Variants in ST6GALNAC1 observed in about 807,000 individuals in gnomAD.
ST6GALNAC1 encodes the protein alpha-N-acetylgalactosaminide alpha-2,6-sialyltransferase 1.
A neutral mutation model predicts 56.8 loss-of-function variants in ST6GALNAC1; 45 were observed. The observed-to-expected ratio is 0.79, with a 90% CI of 0.62 to 1.02. ST6GALNAC1 has a LOEUF of 1.02. Ranked by LOEUF, ST6GALNAC1 falls within the 50% of genes least tolerant of loss-of-function variation. The pLI is 0.00. For missense variants in ST6GALNAC1, 743 were observed against 754.8 expected, an observed-to-expected ratio of 0.98 and a Z score of 0.18; for synonymous variants, 295 against 297.8, an observed-to-expected ratio of 0.99 and a Z score of 0.10.
At position 76,627,271 on chromosome 17, in the gene ST6GALNAC1, C is replaced by T. The variant is rs189728500; in HGVS notation, c.1001-33G>A. ...AAGAGTGGGGGTGCTCCATTCAGAG[C>T]CCTGGGAGGGACAGGAGTCCGACCC... On this transcript the variant is annotated intron_variant, in intron 3 of 8. Coordinates refer to ENST00000156626, the MANE Select transcript of ST6GALNAC1 (RefSeq NM_018414.5). The surrounding 1 kb of genome is among the most constrained non-coding windows in gnomAD (Gnocchi z 4.4). 2.1e-5 allele frequency: 32 copies of T among 1,552,008 alleles called. No individual in the cohort carries two copies. The East Asian group carries it at 7.0e-4, about 34-fold the overall frequency.
chr17:76,627,217 C>T lies in ST6GALNAC1; in HGVS notation c.1022G>A (p.Arg341His), dbSNP rs538653227. 4.3e-5 allele frequency: 67 copies of T among 1,575,502 alleles called. 1 individual carries two copies. In the Admixed American group the frequency reaches 8.4e-4, roughly 20 times the overall value. ...NYSLVQKVVT[R>H]FPPVPQQQLL... is the part of the protein sequence containing the mutation. ...CTGCTGCTGGGGCACTGGAGGGAAG[C>T]GTGTCACGACCTTCTGCACCACTGG... The change falls in exon 4 of 9, where the codon CGC becomes CAC. Residue 341 changes from arginine to histidine, a missense_variant. Arg to His is a conservative substitution (Grantham distance 29, BLOSUM62 0). Coordinates refer to ENST00000156626, the MANE Select transcript of ST6GALNAC1 (RefSeq NM_018414.5). The surrounding 1 kb of genome is among the most constrained non-coding windows in gnomAD (Gnocchi z 4.4).
chr17:76,632,969 G>A (rs2075925550), intron 1 of ST6GALNAC1, among the ~76,000 whole-genome samples: 1 of 152,198 alleles, frequency 6.6e-6, no homozygotes, highest in Non-Finnish European at 1.5e-5. Flanking sequence ...ATTTTGGGAG[G>A]CCGAGGCGGG....
rs1436647277 is a variant in ST6GALNAC1, at chr17:76,624,907, T to C, written c.*423A>G. ...TAGAATCAGATAACTCCTAGAAAGG[T>C]CTTCTAGACAATCTGTAGTGAAGTT... On this transcript the variant is annotated 3_prime_UTR_variant, in exon 9 of 9. Transcript: ENST00000156626. The C allele has an allele frequency of 4.9e-6, 1 of 202,264 alleles. No homozygotes were observed. Among genetic ancestry groups the C allele is most frequent in the Non-Finnish European group, 1.0e-5 (1 of 98,812 alleles). 12.5% of individuals were successfully genotyped at this position (202,264 alleles called of 1,614,324 possible).
chr17:76,627,006 G>GA lies in ST6GALNAC1; in HGVS notation c.1172+60dup. On this transcript the variant is annotated intron_variant, in intron 4 of 8. Coordinates refer to ENST00000156626, the MANE Select transcript of ST6GALNAC1 (RefSeq NM_018414.5). This position sits in a 1 kb window ranked among gnomAD's most constrained non-coding sequence, Gnocchi z 4.4. The stretch of plus-strand genomic sequence containing the variant: ...CAGAAGAGGGGCAAGAGAGGGGCTG[G>GA]AGGGGGGCTGGAGGGGGCAGGAGAG... The GA allele has an allele frequency of 6.7e-7, 1 of 1,501,946 alleles. No individual in the cohort carries two copies. The highest frequency in any genetic ancestry group is 1.3e-5 in the South Asian group (1 of 75,608). 93.0% of individuals were successfully genotyped at this position (1,501,946 alleles called of 1,614,324 possible). A position where few individuals can be genotyped will look rare whatever the true frequency, so the allele number is the denominator to read the frequency against.
In ST6GALNAC1 at chr17:76,629,465, G is replaced by T; in HGVS notation, c.378C>A (p.Ser126Arg). 1 of 1,614,020 alleles carries T rather than the reference G, an allele frequency of 6.2e-7. No individual in the cohort carries two copies. Among genetic ancestry groups the T allele is most frequent in the Non-Finnish European group, 8.5e-7 (1 of 1,180,012 alleles). Residue 126 changes from serine to arginine, a missense_variant, in exon 2 of 9, where the codon AGC becomes AGA. Coordinates refer to ENST00000156626, the MANE Select transcript of ST6GALNAC1 (RefSeq NM_018414.5). Reference sequence around the variant, plus strand: ...TCACCATGGTTTTCTCTTTTTCTGGGCTCTTCCATGCTGCCCTCTGTGCTG... The same window carrying T: ...TCACCATGGTTTTCTCTTTTTCTGGTCTCTTCCATGCTGCCCTCTGTGCTG... ...PHTAQRAAWK[S>R]PEKEKTMVNT... is the part of the protein sequence containing the mutation.
chr17:76,625,977 G>A, intron 7 of ST6GALNAC1, 29 bp downstream of exon 7: 1 of 1,612,080 alleles, frequency 6.2e-7, no homozygotes, highest in Non-Finnish European at 8.5e-7. Flanking sequence ...AGGGACCTGG[G>A]CTACGTGTCA....
chr17:76,643,754 C>T lies in ST6GALNAC1; in HGVS notation c.-116G>A. ...AGGAAGTGCACACCCTTTGTCTTAA[C>T]AATGAGCCACTCCGGCAAGTGCTGA... is the stretch of plus-strand genomic sequence containing the variant. On this transcript the variant is annotated 5_prime_UTR_variant, in exon 1 of 9. Transcript: ENST00000156626. 4.0e-6 allele frequency: 4 copies of T among 1,003,330 alleles called. No individual in the cohort carries two copies. Among genetic ancestry groups the T allele is most frequent in the Non-Finnish European group, 5.9e-6 (4 of 682,544 alleles). 62.2% of individuals were successfully genotyped at this position (1,003,330 alleles called of 1,614,324 possible). A position where few individuals can be genotyped will look rare whatever the true frequency, so the allele number is the denominator to read the frequency against.
chr17:76,638,500 G>A (rs930872014), intron 1 of ST6GALNAC1, among the ~76,000 whole-genome samples: 5 of 151,770 alleles, frequency 3.3e-5, no homozygotes, highest in East Asian at 1.9e-4. Context: ...TGATAAAAGC[G>A]ATAATACTCA....
At chr17:76,642,006 GAT>G (rs893784117) in intron 1 of ST6GALNAC1, 1 of 5,952 alleles carries the variant, frequency 1.7e-4, no homozygotes, top group Non-Finnish European at 5.0e-4. Context: ...AAATCTATAT[GAT>G]ATATATGTGT....
At chr17:76,618,939 G>A in the ST6GALNAC1 span, among the ~76,000 whole-genome samples, 1 of 152,142 alleles carries the variant, frequency 6.6e-6, no homozygotes, top group Non-Finnish European at 1.5e-5. Context: ...GTGAGACCCT[G>A]CCTCAAAAGA....
At chr17:76,622,825 G>T (rs1004575627), downstream of ST6GALNAC1, among the ~76,000 whole-genome samples, 6 of 140,932 alleles carry the variant, frequency 4.3e-5, no homozygotes, top group African/African-American at 1.6e-4. Flanking sequence ...AGACAGTCTT[G>T]CTCTATCGCC....
chr17:76,628,291 C>CTTCT (rs2075841025), intron 2 of ST6GALNAC1, among the ~76,000 whole-genome samples: 1 of 99,946 alleles, frequency 1.0e-5, no homozygotes, highest in Non-Finnish European at 2.2e-5. Flanking sequence ...TCCTTCCTTC[C>CTTCT]GTCTTTCCTT....
chr17:76,632,401 AGT>A (rs2075916218), intron 1 of ST6GALNAC1, among the ~76,000 whole-genome samples: 1 of 152,034 alleles, frequency 6.6e-6, no homozygotes, highest in Non-Finnish European at 1.5e-5. Context: ...CCGTCTGCTT[AGT>A]GGCCACACTG....
chr17:76,633,910 A>G (rs937161007), intron 1 of ST6GALNAC1: 3 of 152,114 alleles, frequency 2.0e-5, no homozygotes, highest in African/African-American at 4.8e-5. Context: ...CCAAGAATAC[A>G]GTACGAGAGA....
downstream of ST6GALNAC1, among the ~76,000 whole-genome samples, chr17:76,624,342 C>T (rs1428517395): frequency 3.9e-5 from 6 of 152,116 alleles, no homozygotes; most frequent in Non-Finnish European, 5.9e-5. Context: ...CTCTGCCCCC[C>T]AGGTTCAAGT....
intron 1 of ST6GALNAC1, among the ~76,000 whole-genome samples, chr17:76,643,085 G>C (rs2143503223): frequency 6.6e-6 from 1 of 152,322 alleles, no homozygotes; most frequent in East Asian, 1.9e-4. Context: ...AACTTAGGGT[G>C]AGTCCGGGTC....
intron 1 of ST6GALNAC1, among the ~76,000 whole-genome samples, chr17:76,636,710 G>A (rs1021773188): frequency 1.3e-5 from 2 of 152,072 alleles, no homozygotes; most frequent in African/African-American, 4.8e-5. Flanking sequence ...GCCTCTGACC[G>A]CCGCCCCGTC....
chr17:76,621,182 C>T (rs11654546), downstream of ST6GALNAC1, among the ~76,000 whole-genome samples: 19,155 of 105,394 alleles, frequency 0.18, 2,340 homozygotes, highest in East Asian at 0.41. Flanking sequence ...TTCTTTCTTT[C>T]TTTCTTTTTT....
downstream of ST6GALNAC1, among the ~76,000 whole-genome samples, chr17:76,622,680 G>A (rs953589704): frequency 6.6e-6 from 1 of 152,108 alleles, no homozygotes; most frequent in Non-Finnish European, 1.5e-5. Flanking sequence ...TTAATTTTAT[G>A]TAGTAAAATT....
Sources: gnomAD v4.1 joint callset for allele counts (sites outside exome capture counted in the v4.1 genomes callset) on GRCh38, gnomAD v4.1.1 for gene constraint, Gnocchi (gnomAD v3.1) non-coding constraint, MANE v1.5 for transcripts, NCBI Gene and HGNC (gene_info 2026-07-23, HGNC 2026-07-21) for gene names.